Variants in MYO1D observed in about 807,000 individuals in gnomAD.
MYO1D encodes myosin ID, also known as unconventional myosin-Id.
Under a neutral mutation model 122.0 loss-of-function variants are expected in MYO1D, and 83 were observed. That is an observed-to-expected ratio of 0.68 (90% CI 0.57 to 0.82). The LOEUF is 0.82. Among genes scored for constraint, MYO1D ranks in the 40% least tolerant of loss-of-function variants. The pLI is 0.00. For missense variants in MYO1D, 1,157 were observed against 1,269.5 expected, an observed-to-expected ratio of 0.91 and a Z score of 1.35; for synonymous variants, 464 against 446.9, an observed-to-expected ratio of 1.04 and a Z score of -0.48.
chr17:32,653,348 T>C lies in MYO1D; in HGVS notation c.2595+495A>G, dbSNP rs548335333. On this transcript the variant is annotated intron_variant, in intron 19 of 21. Coordinates refer to ENST00000318217, the MANE Select transcript of MYO1D (RefSeq NM_015194.3). Reference sequence around the variant, plus strand: ...TTGGCTGGGCATGGTGAGTCAGTCCTGGAATCCCAGCACTTTAGGAGGCTG... The same window carrying C: ...TTGGCTGGGCATGGTGAGTCAGTCCCGGAATCCCAGCACTTTAGGAGGCTG... Among the ~76,000 whole-genome samples, 4 of 151,834 alleles carry C rather than the reference T, an allele frequency of 2.6e-5. No homozygotes were observed. In the South Asian group the frequency reaches 8.3e-4, roughly 32 times the overall value.
chr17:32,519,326 C>G (rs1326635237), intron 21 of MYO1D: 2 of 152,466 alleles, frequency 1.3e-5, no homozygotes, highest in Non-Finnish European at 2.9e-5. Context: ...CCCCGGGCAC[C>G]TGCAGCGGGA....
rs568394333 is a variant in MYO1D at position 32,777,795 on chromosome 17, G to A, written c.398+685C>T. ...AAAAACACAAAAAAATTAGCCGGGCGCAGTGGCCGGTGCCTGTAGTCCCAG... is the reference window on the plus strand; with the variant it reads ...AAAAACACAAAAAAATTAGCCGGGCACAGTGGCCGGTGCCTGTAGTCCCAG... On this transcript the variant is annotated intron_variant, in intron 3 of 21. Coordinates refer to ENST00000318217, the MANE Select transcript of MYO1D (RefSeq NM_015194.3). Among the ~76,000 whole-genome samples the A allele has an allele frequency of 4.9e-4, 74 of 152,198 alleles. No individual in the cohort carries two copies. The South Asian group carries it at 6.6e-3, about 14-fold the overall frequency.
chr17:32,626,857 C>T (rs2087934335), intron 20 of MYO1D, among the ~76,000 whole-genome samples: 1 of 151,976 alleles, frequency 6.6e-6, no homozygotes, highest in Non-Finnish European at 1.5e-5. Flanking sequence ...TTTAAAACGA[C>T]GTGGCTCACT....
At chr17:32,596,501 A>G (rs1484110120) in intron 21 of MYO1D, among the ~76,000 whole-genome samples, 1 of 152,228 alleles carries the variant, frequency 6.6e-6, no homozygotes, top group East Asian at 1.9e-4. Flanking sequence ...ATGTGCAGCC[A>G]GCAACTGCTG....
chr17:32,662,108 C>A (rs1451913057), intron 16 of MYO1D, among the ~76,000 whole-genome samples: 3 of 152,114 alleles, frequency 2.0e-5, no homozygotes, highest in Non-Finnish European at 2.9e-5. Flanking sequence ...GAATCTTTTT[C>A]TTTGATATTA....
chr17:32,528,445 G>A (rs941854711), intron 21 of MYO1D, among the ~76,000 whole-genome samples: 5 of 152,098 alleles, frequency 3.3e-5, no homozygotes, highest in Admixed American at 3.3e-4. Context: ...GTGTGTATAT[G>A]TGTGTGTGCG....
intron 16 of MYO1D, among the ~76,000 whole-genome samples, chr17:32,663,920 TG>T (rs1450729838): frequency 6.6e-6 from 1 of 152,258 alleles, no homozygotes; most frequent in East Asian, 1.9e-4. Context: ...TTTCTTTTTT[TG>T]GATGACACTT....
chr17:32,593,890 T>C (rs866484578), intron 21 of MYO1D, among the ~76,000 whole-genome samples: 35 of 152,354 alleles, frequency 2.3e-4, no homozygotes, highest in Middle Eastern at 3.4e-3. Context: ...TGAGCCGAGA[T>C]GGTGCCATTG....
intron 1 of MYO1D, among the ~76,000 whole-genome samples, chr17:32,847,296 C>T (rs2090947241): frequency 1.3e-5 from 2 of 152,148 alleles, no homozygotes; most frequent in South Asian, 2.1e-4. Context: ...GTGAAAGTTA[C>T]GAGTGATTTT....
intron 21 of MYO1D, among the ~76,000 whole-genome samples, chr17:32,597,035 A>G (rs544444325): frequency 1.3e-5 from 2 of 152,388 alleles, no homozygotes; most frequent in South Asian, 4.1e-4. Context: ...CAACAAGACC[A>G]TACAGAAAGA....
At chr17:32,628,464 A>T (rs2087956920) in intron 20 of MYO1D, among the ~76,000 whole-genome samples, 1 of 152,242 alleles carries the variant, frequency 6.6e-6, no homozygotes, top group Non-Finnish European at 1.5e-5. Context: ...GTGTGACTAG[A>T]ACCATCATTA....
chr17:32,652,273 T>G lies in MYO1D; in HGVS notation c.2595+1570A>C, dbSNP rs560303225. Among the ~76,000 whole-genome samples, 4 of 152,334 alleles carry G rather than the reference T, an allele frequency of 2.6e-5. No homozygotes were observed. In the East Asian group the frequency reaches 7.7e-4, roughly 29 times the overall value. ...TGTCTTCTTACATCCTTATAAACAT[T>G]GGTTATTATCAACACTTTAAAGACT... On this transcript the variant is annotated intron_variant, in intron 19 of 21. Coordinates refer to ENST00000318217, the MANE Select transcript of MYO1D (RefSeq NM_015194.3).
intron 21 of MYO1D, among the ~76,000 whole-genome samples, chr17:32,502,875 C>T (rs1032428922): frequency 2.6e-5 from 4 of 152,110 alleles, no homozygotes; most frequent in Non-Finnish European, 4.4e-5. Context: ...TCTGAGGGTG[C>T]GCCAAGCCAA....
At chr17:32,811,467 A>G (rs1010232771) in intron 1 of MYO1D, among the ~76,000 whole-genome samples, 11 of 152,168 alleles carry the variant, frequency 7.2e-5, no homozygotes, top group Non-Finnish European at 1.6e-4. Flanking sequence ...GATTTTCTAC[A>G]GTACTTACTA....
chr17:32,604,202 CATACTA>C (rs1180460974), intron 21 of MYO1D, among the ~76,000 whole-genome samples: 1 of 45,448 alleles, frequency 2.2e-5, no homozygotes, highest in Non-Finnish European at 5.9e-5. Context: ...AAAAAAAAAA[CATACTA>C]ATAAGGAATA....
intron 1 of MYO1D, among the ~76,000 whole-genome samples, chr17:32,791,049 G>A (rs1283675920): frequency 6.6e-6 from 1 of 152,132 alleles, no homozygotes; most frequent in Non-Finnish European, 1.5e-5. Context: ...ACCCATCTGG[G>A]ACCACATGGG....
chr17:32,815,605 G>A lies in MYO1D; in HGVS notation c.96-34821C>T, dbSNP rs79415231. ...CTCGTAGATTTGCCAATGAGAACAG[G>A]AGGCCTAAAGAGCACACGCTTTGGC... On this transcript the variant is annotated intron_variant, in intron 1 of 21. Transcript: ENST00000318217. 8.5e-3 allele frequency among the ~76,000 whole-genome samples: 1,300 copies of A among 152,300 alleles called. 10 individuals are homozygous for A. Among genetic ancestry groups the A allele is most frequent in the Non-Finnish European group, 0.012 (849 of 68,026 alleles).
At chr17:32,681,202 G>A (rs2088911564) in intron 16 of MYO1D, among the ~76,000 whole-genome samples, 1 of 151,862 alleles carries the variant, frequency 6.6e-6, no homozygotes, top group South Asian at 2.1e-4. Context: ...CAAAAAACCA[G>A]CTCCTGGATT....
Position 32,774,851 on chromosome 17 carries a change from C to T in MYO1D, c.564+1013G>A, listed in dbSNP as rs189044695. ...ATATGGCCATAAAGGATGCTATGGCCTAACTGGGATAGGAAACCCTTAACT... is the reference window on the plus strand; with the variant it reads ...ATATGGCCATAAAGGATGCTATGGCTTAACTGGGATAGGAAACCCTTAACT... On this transcript the variant is annotated intron_variant, in intron 4 of 21. Transcript: ENST00000318217. Among the ~76,000 whole-genome samples the T allele has an allele frequency of 7.9e-5, 12 of 152,292 alleles. No homozygotes were observed. In the East Asian group the frequency reaches 2.1e-3, roughly 27 times the overall value.
Sources: gnomAD v4.1 joint callset for allele counts (sites outside exome capture counted in the v4.1 genomes callset) on GRCh38, gnomAD v4.1.1 for gene constraint, MANE v1.5 for transcripts, NCBI Gene and HGNC (gene_info 2026-07-23, HGNC 2026-07-21) for gene names.